BIN3: variants seen among roughly 807,000 people sequenced by gnomAD.
The protein encoded by BIN3 is bridging integrator 3.
BIN3 carries 41 observed loss-of-function variants against 38.2 expected under a neutral mutation model. The observed-to-expected ratio is 1.07, with a 90% CI of 0.84 to 1.39. BIN3 has a LOEUF of 1.39. Ranked by LOEUF, BIN3 falls within the 40% of genes most tolerant of loss-of-function variation. The pLI is 0.00. For synonymous variants in BIN3, 145 were observed against 122.6 expected (o/e 1.18, Z -1.21); for missense variants, 361 against 324.3 (o/e 1.11, Z -0.87).
At chr8:22,637,883 C>G in intron 2 of BIN3, among the ~76,000 whole-genome samples, 1 of 152,168 alleles carries the variant, frequency 6.6e-6, no homozygotes, top group East Asian at 1.9e-4. Context: ...GTGTGCTTTA[C>G]AAGAATGCAG....
rs367560391 is a variant in BIN3 at position 22,650,870 on chromosome 8, CTCT to C, written c.9-6070_9-6068del. Reference sequence around the variant, plus strand: ...CTATTTCATGAAGCCACACTTGCAGCTCTTCTTCTCAATATAGTTACAGTATAA... The same window carrying C: ...CTATTTCATGAAGCCACACTTGCAGCTCTTCTCAATATAGTTACAGTATAA... On this transcript the variant is annotated intron_variant, in intron 1 of 8. Transcript: ENST00000276416. Among the ~76,000 whole-genome samples, 495 of 152,318 alleles carry C rather than the reference CTCT, an allele frequency of 3.2e-3. 2 individuals are homozygous for C. The highest frequency in any genetic ancestry group is 0.011 in the African/African-American group (477 of 41,570).
At chr8:22,644,122 C>CT (rs1348071730) in intron 2 of BIN3, among the ~76,000 whole-genome samples, 11 of 152,358 alleles carry the variant, frequency 7.2e-5, no homozygotes, top group Non-Finnish European at 1.0e-4. Flanking sequence ...CAGGAAAAAT[C>CT]AGGAGGTTGG....
intron 1 of BIN3, among the ~76,000 whole-genome samples, chr8:22,656,223 GTTTTTT>G (rs71206533): frequency 7.3e-6 from 1 of 137,178 alleles, no homozygotes; most frequent in African/African-American, 2.7e-5. Flanking sequence ...GGTCTTAAGG[GTTTTTT>G]TTTTTTTTTT....
chr8:22,625,316 G>A, intron 6 of BIN3: 1 of 702,500 alleles, frequency 1.4e-6, no homozygotes, highest in Non-Finnish European at 2.6e-6. Flanking sequence ...AGGCAAGCCA[G>A]AGCCCTGCAG....
chr8:22,632,497 T>C (rs1357243720), intron 4 of BIN3, among the ~76,000 whole-genome samples: 1 of 152,194 alleles, frequency 6.6e-6, no homozygotes, highest in Non-Finnish European at 1.5e-5. Context: ...TTAAATTCTG[T>C]GGAGTGACTC....
chr8:22,627,750 T>C (rs1386947954), intron 6 of BIN3, among the ~76,000 whole-genome samples: 2 of 152,218 alleles, frequency 1.3e-5, no homozygotes, highest in African/African-American at 4.8e-5. Flanking sequence ...TGGCTTTCTC[T>C]TTCCACATGT....
At chr8:22,626,835 C>A (rs1445438598) in intron 6 of BIN3, among the ~76,000 whole-genome samples, 2 of 152,208 alleles carry the variant, frequency 1.3e-5, no homozygotes, top group Non-Finnish European at 2.9e-5. Context: ...GAGGCACTCT[C>A]ATAGCCCCCT....
At chr8:22,645,844 C>T (rs1241791834) in intron 1 of BIN3, among the ~76,000 whole-genome samples, 5 of 152,238 alleles carry the variant, frequency 3.3e-5, no homozygotes, top group Middle Eastern at 3.4e-3. Flanking sequence ...AGTGATTGGC[C>T]GGGCTGGATT....
intron 1 of BIN3, among the ~76,000 whole-genome samples, chr8:22,657,486 G>A (rs748643014): frequency 2.6e-5 from 4 of 152,238 alleles, no homozygotes; most frequent in Non-Finnish European, 5.9e-5. Flanking sequence ...AAAGCCTGAC[G>A]AAGTTATTGG....
rs1482710979 is a variant in BIN3, at chr8:22,669,072, C to T, written c.-21G>A. On this transcript the variant is annotated 5_prime_UTR_variant, in exon 1 of 9. Transcript: ENST00000276416. The stretch of plus-strand genomic sequence containing the variant: ...CTCATGGTCCCGAACCTGCGTCTGC[C>T]GCCGGGGTCCTCAGCCACAACTCGT... The T allele has an allele frequency of 6.3e-7, 1 of 1,591,144 alleles. No homozygotes were observed. The highest frequency in any genetic ancestry group is 1.1e-5 in the South Asian group (1 of 87,520).
At chr8:22,650,717 A>G (rs1443515255) in intron 1 of BIN3, among the ~76,000 whole-genome samples, 1 of 152,206 alleles carries the variant, frequency 6.6e-6, no homozygotes, top group Non-Finnish European at 1.5e-5. Context: ...CTAAAGATAA[A>G]TGCTTATACT....
At chr8:22,632,721 T>TTC (rs3060652) in intron 4 of BIN3, among the ~76,000 whole-genome samples, 1 of 151,106 alleles carries the variant, frequency 6.6e-6, no homozygotes, top group Non-Finnish European at 1.5e-5. Flanking sequence ...TTTTTTTTTT[T>TTC]CAGACGGAGT....
Position 22,644,279 on chromosome 8 carries a change from G to A in BIN3, c.57+476C>T, listed in dbSNP as rs967662666. Among the ~76,000 whole-genome samples, 10 of 152,364 alleles carry A rather than the reference G, an allele frequency of 6.6e-5. 1 individual carries two copies. Among genetic ancestry groups the A allele is most frequent in the Non-Finnish European group, 8.8e-5 (6 of 68,038 alleles). ...ATTCAATCTTCCTTTCCTGCTGAGTGACTCTGGGTCATGGCCAAGAATGCA... is the reference window on the plus strand; with the variant it reads ...ATTCAATCTTCCTTTCCTGCTGAGTAACTCTGGGTCATGGCCAAGAATGCA... On this transcript the variant is annotated intron_variant, in intron 2 of 8. Transcript: ENST00000276416.
At chr8:22,639,313 C>A (rs1802465121) in intron 2 of BIN3, among the ~76,000 whole-genome samples, 1 of 151,926 alleles carries the variant, frequency 6.6e-6, no homozygotes, top group Non-Finnish European at 1.5e-5. Flanking sequence ...CTCACTGCAG[C>A]CTTGACCTTC....
intron 6 of BIN3, among the ~76,000 whole-genome samples, chr8:22,629,007 C>G (rs943981855): frequency 1.3e-5 from 2 of 152,226 alleles, no homozygotes; most frequent in Middle Eastern, 3.2e-3. Context: ...TCCCTCCCTG[C>G]CTTCGCTGAG....
chr8:22,635,471 C>T (rs768817986), intron 4 of BIN3, among the ~76,000 whole-genome samples: 1 of 152,132 alleles, frequency 6.6e-6, no homozygotes, highest in Non-Finnish European at 1.5e-5. Context: ...TATATAGACA[C>T]GGCTTCCCCA....
chr8:22,633,218 C>T (rs1200402344), intron 4 of BIN3, among the ~76,000 whole-genome samples: 1 of 152,072 alleles, frequency 6.6e-6, no homozygotes, highest in Non-Finnish European at 1.5e-5. Context: ...GCCTGTAATC[C>T]CTGTGCTTTG....
chr8:22,624,683 C>G (rs983069259), intron 6 of BIN3: 1 of 284,172 alleles, frequency 3.5e-6, no homozygotes, highest in African/African-American at 2.2e-5. Context: ...CTGGGTGGCA[C>G]AGGGTGGCCC....
intron 2 of BIN3, among the ~76,000 whole-genome samples, chr8:22,642,616 G>C (rs1375765074): frequency 2.0e-5 from 3 of 152,236 alleles, no homozygotes; most frequent in Non-Finnish European, 4.4e-5. Flanking sequence ...TTTTGTGCCA[G>C]ACACTGTGTT....
Sources: gnomAD v4.1 joint callset for allele counts (sites outside exome capture counted in the v4.1 genomes callset) on GRCh38, gnomAD v4.1.1 for gene constraint, MANE v1.5 for transcripts, NCBI Gene and HGNC (gene_info 2026-07-23, HGNC 2026-07-21) for gene names.